The following GANC variants were observed in gnomAD, a reference collection of about 807,000 sequenced individuals.
GANC encodes neutral alpha-glucosidase C.
GANC carries 117 observed loss-of-function variants against 124.2 expected under a neutral mutation model. That is an observed-to-expected ratio of 0.94 (90% CI 0.81 to 1.10). The LOEUF is 1.10. Among genes scored for constraint, GANC ranks in the 50% least tolerant of loss-of-function variants. GANC has a pLI of 0.00. For missense variants in GANC, 1,140 were observed against 1,095.0 expected, an observed-to-expected ratio of 1.04 and a Z score of -0.58; for synonymous variants, 377 against 376.8, an observed-to-expected ratio of 1.00 and a Z score of -0.01.
At chr15:42,301,391 C>G (rs541668607) in intron 6 of GANC, among the ~76,000 whole-genome samples, 1 of 152,138 alleles carries the variant, frequency 6.6e-6, no homozygotes, top group Non-Finnish European at 1.5e-5. Flanking sequence ...CCTCAGGTGC[C>G]TACACCACCA....
chr15:42,350,864 TTTATTA>T (rs3036683), intron 22 of GANC, among the ~76,000 whole-genome samples: 4 of 137,322 alleles, frequency 2.9e-5, no homozygotes, highest in African/African-American at 8.2e-5. Context: ...CGAGTCGTCT[TTTATTA>T]TTATTATTAT....
intron 3 of GANC, among the ~76,000 whole-genome samples, chr15:42,285,026 A>G (rs1384124260): frequency 1.3e-5 from 2 of 152,158 alleles, no homozygotes; most frequent in African/African-American, 4.8e-5. Context: ...TCCAATCATC[A>G]CTAACAGGAG....
chr15:42,331,561 C>T (rs1050427578), intron 15 of GANC, among the ~76,000 whole-genome samples: 1 of 152,158 alleles, frequency 6.6e-6, no homozygotes, highest in African/African-American at 2.4e-5. Context: ...CCCTTACTAT[C>T]CTGTGGACAT....
intron 17 of GANC, among the ~76,000 whole-genome samples, chr15:42,340,405 G>A (rs1267159379): frequency 2.0e-5 from 3 of 151,924 alleles, no homozygotes; most frequent in African/African-American, 4.8e-5. Flanking sequence ...TCTGGAGTTC[G>A]AGACCAGCCT....
chr15:42,300,357 A>G (rs1595769068), intron 6 of GANC, among the ~76,000 whole-genome samples: 1 of 152,246 alleles, frequency 6.6e-6, no homozygotes, highest in South Asian at 2.1e-4. Flanking sequence ...AAAAAAGCTC[A>G]ACATCACTGA....
chr15:42,312,918 T>TG (rs1360111831), intron 10 of GANC, among the ~76,000 whole-genome samples: 1 of 138,190 alleles, frequency 7.2e-6, no homozygotes, highest in African/African-American at 2.8e-5. Context: ...CCAGCCTGGG[T>TG]GACAAAGCAA....
Position 42,292,794 on chromosome 15 carries a change from T to C in GANC, c.389T>C (p.Leu130Pro). ...SLILADGKGDLKCHITANPFK... is the reference protein window; with the variant it reads ...SLILADGKGDPKCHITANPFK... ...ATATTGGCAGATGGAAAAGGAGACCTGAAGTGCCATATCACAGCAAACCCA... is the reference window on the plus strand; with the variant it reads ...ATATTGGCAGATGGAAAAGGAGACCCGAAGTGCCATATCACAGCAAACCCA... The change falls in exon 5 of 24, where the codon CTG becomes CCG. Residue 130 changes from leucine to proline, a missense_variant. Leu to Pro is a moderately conservative substitution (Grantham distance 98). Transcript: ENST00000318010. 6.2e-7 allele frequency: 1 copy of C among 1,614,142 alleles called. No homozygotes were observed. Among genetic ancestry groups the C allele is most frequent in the South Asian group, 1.1e-5 (1 of 91,078 alleles).
chr15:42,273,739 CA>C lies in GANC; in HGVS notation c.-742del, dbSNP rs1230150812. 1 of 297,726 alleles carries C rather than the reference CA, an allele frequency of 3.4e-6. No homozygotes were observed. The highest frequency in any genetic ancestry group is 6.6e-6 in the Non-Finnish European group (1 of 151,988). The allele number at this position is 297,726 out of a possible 1,614,324, so 18.4% of individuals were successfully genotyped here. On this transcript the variant is annotated 5_prime_UTR_variant, in exon 1 of 24. Transcript: ENST00000318010. ...TTTGGCTCTCTACTTCCGCTCGCCC[CA>C]GCCCTTCATCCCTTCTAAGTCAATG...
intron 17 of GANC, among the ~76,000 whole-genome samples, chr15:42,340,374 C>T (rs144521271): frequency 6.6e-6 from 1 of 152,158 alleles, no homozygotes; most frequent in African/African-American, 2.4e-5. Flanking sequence ...AATCCCAGCA[C>T]TTTGGGAGGA....
chr15:42,326,540 T>G, intron 12 of GANC, 116 bp downstream of exon 12: 1 of 1,505,370 alleles, frequency 6.6e-7, no homozygotes, highest in Non-Finnish European at 8.9e-7. Context: ...AGCTACATTT[T>G]AAGCATATAA....
rs1315139026 is a variant in GANC, at chr15:42,292,859, A to T, written c.454A>T (p.Ser152Cys). ...GGTGTCTGAAGAAGAGGTTGTGATTAGCATAAATTCCCTGGGCCAATTATA... is the reference window on the plus strand; with the variant it reads ...GGTGTCTGAAGAAGAGGTTGTGATTTGCATAAATTCCCTGGGCCAATTATA... Reference protein sequence around the residue: ...DLVSEEEVVISINSLGQLYFE... With the variant: ...DLVSEEEVVICINSLGQLYFE... The change falls in exon 5 of 24, where the codon AGC (serine) becomes TGC (cysteine). Residue 152 changes from serine (S) to cysteine (C), a missense_variant. Transcript: ENST00000318010. The T allele has an allele frequency of 2.5e-6, 4 of 1,614,168 alleles. No individual in the cohort carries two copies. The highest frequency in any genetic ancestry group is 3.4e-6 in the Non-Finnish European group (4 of 1,179,988).
At chr15:42,347,258 G>A (rs754305253) in intron 20 of GANC, among the ~76,000 whole-genome samples, 5 of 151,848 alleles carry the variant, frequency 3.3e-5, no homozygotes, top group African/African-American at 4.8e-5. Context: ...ACTTCTCACT[G>A]CCGAGGCAAG....
intron 1 of GANC, among the ~76,000 whole-genome samples, chr15:42,275,321 C>T (rs2051655482): frequency 6.6e-6 from 1 of 152,102 alleles, no homozygotes; most frequent in Admixed American, 6.5e-5. Context: ...TTGCAGCAAG[C>T]CAAGATCGTG....
chr15:42,339,305 A>AACACACACACACACACAC (rs60116980), intron 16 of GANC, among the ~76,000 whole-genome samples: 16 of 119,250 alleles, frequency 1.3e-4, no homozygotes, highest in South Asian at 3.2e-4. Flanking sequence ...ACCCCCCTCC[A>AACACACACACACACACAC]ACACACACAC....
At chr15:42,304,930 C>T (rs1384219785) in intron 6 of GANC, among the ~76,000 whole-genome samples, 1 of 152,092 alleles carries the variant, frequency 6.6e-6, no homozygotes, top group African/African-American at 2.4e-5. Flanking sequence ...AAACTGGACC[C>T]CTTCCTTACA....
intron 1 of GANC, among the ~76,000 whole-genome samples, chr15:42,275,351 G>A (rs187953360): frequency 1.3e-5 from 2 of 152,326 alleles, no homozygotes; most frequent in East Asian, 1.9e-4. Flanking sequence ...TCCAACGTAG[G>A]AGGCAGAGCG....
At chr15:42,343,493 C>A (rs576224273) in intron 19 of GANC, 10 of 226,544 alleles carry the variant, frequency 4.4e-5, no homozygotes, top group South Asian at 3.2e-4. Flanking sequence ...TGGGGGAAAG[C>A]AGATATGAAG....
chr15:42,293,970 G>C (rs2051867499), intron 5 of GANC, among the ~76,000 whole-genome samples: 1 of 151,514 alleles, frequency 6.6e-6, no homozygotes, highest in Non-Finnish European at 1.5e-5. Context: ...AGGATCACTT[G>C]AGCCCAGGAG....
Position 42,329,330 on chromosome 15 carries a change from T to C in GANC, c.1525T>C (p.Trp509Arg), listed in dbSNP as rs774624235. 2 of 1,613,870 alleles carry C rather than the reference T, an allele frequency of 1.2e-6. No individual in the cohort carries two copies. Among genetic ancestry groups the C allele is most frequent in the Non-Finnish European group, 1.7e-6 (2 of 1,179,868 alleles). ...YQGSTDILFL[W>R]NDMNEPSVFR... The stretch of plus-strand genomic sequence containing the variant: ...GGGATCTACGGACATCCTCTTCCTT[T>C]GGAATGACATGAATGAGCCTTCTGT... The change falls in exon 14 of 24, where the codon TGG becomes CGG. Residue 509 changes from tryptophan to arginine, a missense_variant. By Grantham distance (101) the Trp-to-Arg change is moderately radical (BLOSUM62 -3). Transcript: ENST00000318010.
Sources: allele counts gnomAD v4.1 joint callset (sites outside exome capture counted in the v4.1 genomes callset), GRCh38; gene constraint gnomAD v4.1.1; transcripts MANE v1.5; gene names NCBI Gene and HGNC (gene_info 2026-07-23, HGNC 2026-07-21).